CLK2: variants seen among roughly 807,000 people sequenced by gnomAD.
The protein encoded by CLK2 is CDC like kinase 2.
In CLK2, 12 loss-of-function variants were observed where a neutral mutation model predicts 73.5. The ratio of observed to expected loss-of-function variants is 0.16; its 90% CI spans 0.10 to 0.26. The LOEUF (loss-of-function observed/expected upper bound fraction) is 0.26. CLK2 is among the 10% of genes least tolerant of loss of function. The probability of loss-of-function intolerance (pLI) is 1.00; values close to 1 mark genes in which losing one functional copy is unlikely to be tolerated. For synonymous variants in CLK2, 232 were observed against 237.9 expected (o/e 0.98, Z 0.23); for missense variants, 509 against 688.4 (o/e 0.74, Z 2.92).
chr1:155,265,606 G>T (rs555006098), intron 8 of CLK2, among the ~76,000 whole-genome samples: 1 of 90,210 alleles, frequency 1.1e-5, no homozygotes, highest in African/African-American at 5.8e-5. Context: ...AATAAATAAA[G>T]TCCAAACCAA....
chr1:155,263,414 G>C lies in CLK2; in HGVS notation c.1318-14C>G. The stretch of plus-strand genomic sequence containing the variant: ...GGTCAGATACCGCTGGTGGAGGAGG[G>C]CAGGAAAAAGGTGAGGCAGGATGCC... On this transcript the variant is annotated splice_polypyrimidine_tract_variant and intron_variant, in intron 12 of 12. Transcript: ENST00000368361. 2 of 1,613,336 alleles carry C rather than the reference G, an allele frequency of 1.2e-6. No individual in the cohort carries two copies. Among genetic ancestry groups the C allele is most frequent in the Non-Finnish European group, 1.7e-6 (2 of 1,179,830 alleles).
At chr1:155,272,309 C>A (rs1673552210) in intron 1 of CLK2, among the ~76,000 whole-genome samples, 1 of 152,214 alleles carries the variant, frequency 6.6e-6, no homozygotes. Flanking sequence ...AGCCACCGCG[C>A]CTGGCCAGTA....
rs1196008925 is a variant in CLK2 at position 155,264,055 on chromosome 1, G to A, written c.1227-15C>T. 6.2e-7 allele frequency: 1 copy of A among 1,607,510 alleles called. No individual in the cohort carries two copies. Among genetic ancestry groups the A allele is most frequent in the Non-Finnish European group, 8.5e-7 (1 of 1,174,152 alleles). On this transcript the variant is annotated splice_polypyrimidine_tract_variant and intron_variant, in intron 11 of 12. Coordinates refer to ENST00000368361, the MANE Select transcript of CLK2 (RefSeq NM_001294338.2). ...ATTTCTGCTTTCTAGAGGGGAAGGG[G>A]AGGTTGAGGAATCAGAAGGTCACCC...
At chr1:155,267,338 G>A (rs1257864401) in intron 6 of CLK2, among the ~76,000 whole-genome samples, 2 of 152,174 alleles carry the variant, frequency 1.3e-5, no homozygotes, top group East Asian at 1.9e-4. Context: ...TGATCCACCC[G>A]CCTCGGCCTC....
chr1:155,266,608 A>G, intron 7 of CLK2, 121 bp downstream of exon 7: 2 of 1,066,738 alleles, frequency 1.9e-6, no homozygotes, highest in Non-Finnish European at 2.6e-6. Context: ...ATGACAGTAA[A>G]TCAAAGAACT....
At chr1:155,266,944 G>A in intron 6 of CLK2, 49 bp from the exon 7 acceptor site, 1 of 1,587,140 alleles carries the variant, frequency 6.3e-7, no homozygotes, top group Non-Finnish European at 8.6e-7. Flanking sequence ...GCTCCCATCT[G>A]CCCATCAGCC....
intron 7 of CLK2, 123 bp downstream of exon 7, chr1:155,266,606 A>T (rs1673244250): frequency 8.7e-6 from 9 of 1,037,880 alleles, no homozygotes; most frequent in Non-Finnish European, 1.1e-5. Context: ...AGATGACAGT[A>T]AATCAAAGAA....
Position 155,263,132 on chromosome 1 carries a change from C to G in CLK2, c.*86G>C. ...GCCAGGAGGAAGGAGTGAACTCTGG[C>G]TCGTTCTCTTGTATAAAAAAGCACC... On this transcript the variant is annotated 3_prime_UTR_variant, in exon 13 of 13. Coordinates refer to ENST00000368361, the MANE Select transcript of CLK2 (RefSeq NM_001294338.2). 1 of 1,329,846 alleles carries G rather than the reference C, an allele frequency of 7.5e-7. No individual in the cohort carries two copies. The highest frequency in any genetic ancestry group is 1.0e-6 in the Non-Finnish European group (1 of 986,336). 82.4% of individuals were successfully genotyped at this position (1,329,846 alleles called of 1,614,324 possible). A position where few individuals can be genotyped will look rare whatever the true frequency, so the allele number is the denominator to read the frequency against.
intron 12 of CLK2, 110 bp from the exon 13 acceptor site, chr1:155,263,510 T>C (rs1673085171): frequency 5.4e-6 from 8 of 1,483,266 alleles, no homozygotes; most frequent in African/African-American, 2.8e-5. Context: ...TGCAACCAAT[T>C]TGAAGGCTAC....
chr1:155,270,800 G>C lies in CLK2; in HGVS notation c.170+8C>G. Reference sequence around the variant, plus strand: ...CCTGTGTTTGAGTATCTCTTCCTGAGGCCTCACCTTCGAGAACGGACATGG... The same window carrying C: ...CCTGTGTTTGAGTATCTCTTCCTGACGCCTCACCTTCGAGAACGGACATGG... On this transcript the variant is annotated splice_region_variant and intron_variant, in intron 2 of 12. Coordinates refer to ENST00000368361, the MANE Select transcript of CLK2 (RefSeq NM_001294338.2). 2 of 1,601,884 alleles carry C rather than the reference G, an allele frequency of 1.2e-6. No homozygotes were observed. Among genetic ancestry groups the C allele is most frequent in the Non-Finnish European group, 1.7e-6 (2 of 1,169,790 alleles).
chr1:155,269,616 A>G lies in CLK2; in HGVS notation c.271T>C (p.Tyr91His). Residue 91 changes from tyrosine to histidine, a missense_variant, in exon 3 of 13, where the codon TAT becomes CAT. This residue lies in a region of CLK2 where 222 missense variants were observed against 221.7 expected (regional missense o/e 1.00). Transcript: ENST00000368361. Reference sequence around the variant, plus strand: ...TAGGAATGCCGATAGTCTGTGTCATAGTAGGCATCTCCCCGATCCCGGCTA... The same window carrying G: ...TAGGAATGCCGATAGTCTGTGTCATGGTAGGCATCTCCCCGATCCCGGCTA... ...DYSRDRGDAYYDTDYRHSYEY... is the reference protein window; with the variant it reads ...DYSRDRGDAYHDTDYRHSYEY... The G allele has an allele frequency of 6.2e-7, 1 of 1,614,242 alleles. No individual in the cohort carries two copies. Among genetic ancestry groups the G allele is most frequent in the Non-Finnish European group, 8.5e-7 (1 of 1,180,036 alleles).
At chr1:155,267,910 A>C (rs1572017137) in intron 6 of CLK2, 100 bp downstream of exon 6, 1 of 765,270 alleles carries the variant, frequency 1.3e-6, no homozygotes, top group East Asian at 2.4e-5. Flanking sequence ...ATGGATGAGA[A>C]GGTCTAGGAC....
chr1:155,265,799 G>A (rs894775624), intron 8 of CLK2, 61 bp downstream of exon 8: 12 of 1,103,998 alleles, frequency 1.1e-5, no homozygotes, highest in Admixed American at 1.7e-5. Flanking sequence ...GGGCTCGGCA[G>A]AAGGCAAAGT....
chr1:155,267,949 A>T (rs746013334), intron 6 of CLK2, 61 bp downstream of exon 6: 4 of 1,137,430 alleles, frequency 3.5e-6, no homozygotes, highest in Non-Finnish European at 5.4e-6. Context: ...CAGGTCTAGA[A>T]GTCTCTCCCG....
chr1:155,263,343 T>A lies in CLK2; in HGVS notation c.1375A>T (p.Met459Leu). The change falls in exon 13 of 13, where the codon ATG becomes TTG. Residue 459 changes from methionine (M) to leucine (L), a missense_variant. Coordinates refer to ENST00000368361, the MANE Select transcript of CLK2 (RefSeq NM_001294338.2). ...HHQLFDLIESMLEYEPAKRLT... is the reference protein window; with the variant it reads ...HHQLFDLIESLLEYEPAKRLT... The stretch of plus-strand genomic sequence containing the variant: ...CGCTTAGCTGGTTCATACTCTAGCA[T>A]GCTTTCAATCAGATCGAAGAGCTGG... The A allele has an allele frequency of 6.2e-7, 1 of 1,614,218 alleles. No individual in the cohort carries two copies. Among genetic ancestry groups the A allele is most frequent in the Non-Finnish European group, 8.5e-7 (1 of 1,180,046 alleles).
intron 1 of CLK2, among the ~76,000 whole-genome samples, chr1:155,272,162 A>G (rs1437712613): frequency 1.3e-5 from 2 of 152,042 alleles, no homozygotes; most frequent in African/African-American, 4.8e-5. Flanking sequence ...GATTACAGGC[A>G]TGCGCCGCCA....
Position 155,268,560 on chromosome 1 carries a change from A to G in CLK2, c.487+148T>C. The G allele has an allele frequency of 1.2e-6, 1 of 834,924 alleles. No individual in the cohort carries two copies. Among genetic ancestry groups the G allele is most frequent in the South Asian group, 1.5e-5 (1 of 67,240 alleles). The allele number at this position is 834,924 out of a possible 1,614,324, so 51.7% of individuals were successfully genotyped here. On this transcript the variant is annotated intron_variant, in intron 4 of 12. Coordinates refer to ENST00000368361, the MANE Select transcript of CLK2 (RefSeq NM_001294338.2). The surrounding 1 kb of genome is among the most constrained non-coding windows in gnomAD (Gnocchi z 5.6). Reference sequence around the variant, plus strand: ...GCCGTGAGAGCTGGGAGTGGACAACAGAGGTCAATTCTCAACAGCAACTCA... The same window carrying G: ...GCCGTGAGAGCTGGGAGTGGACAACGGAGGTCAATTCTCAACAGCAACTCA...
At position 155,270,834 on chromosome 1, in the gene CLK2, C is replaced by A. The variant is rs757135453; in HGVS notation, c.144G>T (p.Glu48Asp). The stretch of plus-strand genomic sequence containing the variant: ...TTCGAGAACGGACATGGTAGCTGTC[C>A]TCTCGCCGACGCCGTCGTGTCCGGT... Reference protein sequence around the residue: ...SSDRTRRRRREDSYHVRSRSS... With the variant: ...SSDRTRRRRRDDSYHVRSRSS... The change falls in exon 2 of 13, where the codon GAG becomes GAT. Residue 48 changes from glutamate (E) to aspartate (D), a missense_variant. Transcript: ENST00000368361. 6.2e-7 allele frequency: 1 copy of A among 1,612,010 alleles called. No individual in the cohort carries two copies. Among genetic ancestry groups the A allele is most frequent in the Non-Finnish European group, 8.5e-7 (1 of 1,178,152 alleles).
intron 1 of CLK2, 53 bp from the exon 2 acceptor site, chr1:155,271,030 C>G: frequency 6.4e-7 from 1 of 1,565,594 alleles, no homozygotes. Context: ...TCAGAAATCT[C>G]CTCCAAGGAC....
Sources: gnomAD v4.1 joint callset for allele counts (sites outside exome capture counted in the v4.1 genomes callset) on GRCh38, gnomAD v4.1.1 for gene constraint, gnomAD v4.1.1 regional missense constraint, Gnocchi (gnomAD v3.1) non-coding constraint, MANE v1.5 for transcripts, NCBI Gene and HGNC (gene_info 2026-07-23, HGNC 2026-07-21) for gene names.